Variants in VEPH1 observed in about 807,000 individuals in gnomAD.
The protein encoded by VEPH1 is ventricular zone-expressed PH domain-containing protein homolog 1.
VEPH1 carries 80 observed loss-of-function variants against 85.2 expected under a neutral mutation model. That is an observed-to-expected ratio of 0.94 (90% confidence interval 0.78 to 1.13). VEPH1 has a LOEUF of 1.13. VEPH1 is among the 50% of genes most tolerant of loss of function. The pLI, the probability that VEPH1 is intolerant of heterozygous loss-of-function variation, is 0.00. For missense variants in VEPH1, 955 were observed against 980.5 expected (o/e 0.97, Z 0.35); for synonymous variants, 297 against 348.0 (o/e 0.85, Z 1.63).
In VEPH1 at chr3:157,364,419, A is replaced by C; in HGVS notation, c.1221T>G (p.Val407=). The C allele has an allele frequency of 6.2e-7, 1 of 1,614,032 alleles. No homozygotes were observed. Among genetic ancestry groups the C allele is most frequent in the South Asian group, 1.1e-5 (1 of 91,068 alleles). The change falls in exon 8 of 14, where the codon GTT becomes GTG. Residue 407 remains valine, a synonymous_variant. Coordinates refer to ENST00000362010, the MANE Select transcript of VEPH1 (RefSeq NM_001167912.2). Reference sequence around the variant, plus strand: ...TCTTGTCTTCAAAAGCCTGGATTTTAACTTGGAGTTTTTCATGGTCTTCAT... The same window carrying C: ...TCTTGTCTTCAAAAGCCTGGATTTTCACTTGGAGTTTTTCATGGTCTTCAT... ...TENEDHEKLQ[V]KIQAFEDKIN... is the part of the protein sequence containing the mutation.
intron 4 of VEPH1, among the ~76,000 whole-genome samples, chr3:157,452,950 C>A (rs1233061176): frequency 6.6e-6 from 1 of 152,192 alleles, no homozygotes; most frequent in Non-Finnish European, 1.5e-5. Flanking sequence ...CTGCAGCCGA[C>A]TCCCATTCCC....
intron 2 of VEPH1, among the ~76,000 whole-genome samples, chr3:157,490,758 A>G (rs1452603812): frequency 2.0e-5 from 3 of 152,180 alleles, no homozygotes; most frequent in Non-Finnish European, 4.4e-5. Flanking sequence ...CTGTTGTTTC[A>G]CTTTTAATTG....
chr3:157,482,596 C>T (rs1411751473), intron 2 of VEPH1, among the ~76,000 whole-genome samples: 2 of 152,140 alleles, frequency 1.3e-5, no homozygotes, highest in Non-Finnish European at 2.9e-5. Context: ...TTTCATGATA[C>T]TGATTCTTCC....
At chr3:157,318,355 C>A (rs1364673330) in intron 9 of VEPH1, among the ~76,000 whole-genome samples, 2 of 152,014 alleles carry the variant, frequency 1.3e-5, no homozygotes, top group Admixed American at 6.6e-5. Context: ...TGCCTGTAAT[C>A]CCAGCTCTTT....
At chr3:157,334,581 C>G (rs1204480240) in intron 9 of VEPH1, among the ~76,000 whole-genome samples, 1 of 152,144 alleles carries the variant, frequency 6.6e-6, no homozygotes, top group African/African-American at 2.4e-5. Flanking sequence ...AACAAATACT[C>G]TGAGGACTTA....
chr3:157,498,526 G>A (rs1180009792), intron 1 of VEPH1, among the ~76,000 whole-genome samples: 1 of 152,162 alleles, frequency 6.6e-6, no homozygotes, highest in Admixed American at 6.5e-5. Context: ...CACCAGCAGA[G>A]GCACTTGAAG....
chr3:157,329,898 T>C (rs1392159713), intron 9 of VEPH1, among the ~76,000 whole-genome samples: 1 of 152,226 alleles, frequency 6.6e-6, no homozygotes, highest in African/African-American at 2.4e-5. Flanking sequence ...AACTTCGGGA[T>C]GAGAAGGCAA....
chr3:157,476,393 G>T (rs552776689), intron 2 of VEPH1, among the ~76,000 whole-genome samples: 58 of 152,318 alleles, frequency 3.8e-4, no homozygotes, highest in Non-Finnish European at 6.9e-4. Context: ...GGATCACAGA[G>T]CATTTGGTCT....
chr3:157,437,479 C>T, intron 4 of VEPH1: 1 of 1,581,190 alleles, frequency 6.3e-7, no homozygotes, highest in East Asian at 2.3e-5. Flanking sequence ...CAGGCCTGGG[C>T]GGGCTGCTAA....
At chr3:157,501,361 GT>G (rs1275269230) in intron 1 of VEPH1, among the ~76,000 whole-genome samples, 2 of 152,152 alleles carry the variant, frequency 1.3e-5, no homozygotes, top group Non-Finnish European at 2.9e-5. Flanking sequence ...AACAGTGAAT[GT>G]TTTTACAGAG....
chr3:157,477,458 A>G lies in VEPH1; in HGVS notation c.139-6929T>C, dbSNP rs373867697. Among the ~76,000 whole-genome samples, 9 of 152,190 alleles carry G rather than the reference A, an allele frequency of 5.9e-5. No individual in the cohort carries two copies. The South Asian group carries it at 1.9e-3, about 32-fold the overall frequency. On this transcript the variant is annotated intron_variant, in intron 2 of 13. Transcript: ENST00000362010. ...CTTGCCCATGTAAGATTACATTCAC[A>G]GGTTCTGGGGTTTAGGATGAGGACA...
intron 5 of VEPH1, among the ~76,000 whole-genome samples, chr3:157,420,054 C>G (rs1233550866): frequency 1.3e-5 from 2 of 151,954 alleles, no homozygotes; most frequent in Non-Finnish European, 2.9e-5. Flanking sequence ...CCATTATCCT[C>G]AGCAAACTAA....
intron 6 of VEPH1, among the ~76,000 whole-genome samples, chr3:157,401,732 A>ACTT (rs1730806133): frequency 2.8e-5 from 4 of 144,228 alleles, no homozygotes; most frequent in African/African-American, 2.5e-5. Context: ...TTTTTCCTTA[A>ACTT]TTTTTTTTTT....
chr3:157,313,943 T>C (rs1720423818), intron 10 of VEPH1, among the ~76,000 whole-genome samples, 188 bp from the exon 11 acceptor site: 1 of 152,110 alleles, frequency 6.6e-6, no homozygotes, highest in African/African-American at 2.4e-5. Context: ...GAGCCTGTAT[T>C]CCCAGCACTT....
chr3:157,358,649 A>C (rs950972206), intron 9 of VEPH1, among the ~76,000 whole-genome samples: 1 of 152,242 alleles, frequency 6.6e-6, no homozygotes, highest in East Asian at 1.9e-4. Flanking sequence ...GACTACATGC[A>C]CATTTTCAGT....
chr3:157,487,946 A>C (rs924586766), intron 2 of VEPH1, among the ~76,000 whole-genome samples: 41 of 152,170 alleles, frequency 2.7e-4, no homozygotes, highest in African/African-American at 9.9e-4. Context: ...TACACTGAAA[A>C]GTCAGAAAAT....
chr3:157,345,366 G>A lies in VEPH1; in HGVS notation c.1735+17998C>T, dbSNP rs577788482. Among the ~76,000 whole-genome samples the A allele has an allele frequency of 7.6e-4, 115 of 152,190 alleles. 1 individual carries two copies. The South Asian group carries it at 0.019, about 26-fold the overall frequency. ...ACCCCATCAAAATCAAAAAGTGGGC[G>A]AAGGATATGAACAGACACTTCTCAA... On this transcript the variant is annotated intron_variant, in intron 9 of 13. Coordinates refer to ENST00000362010, the MANE Select transcript of VEPH1 (RefSeq NM_001167912.2).
intron 6 of VEPH1, among the ~76,000 whole-genome samples, chr3:157,395,300 A>G (rs1184688810): frequency 6.6e-6 from 1 of 152,224 alleles, no homozygotes; most frequent in Non-Finnish European, 1.5e-5. Context: ...GAAGTGGTCC[A>G]ATGTAATCAA....
chr3:157,458,029 A>T (rs1361197827), intron 4 of VEPH1, among the ~76,000 whole-genome samples: 1 of 152,078 alleles, frequency 6.6e-6, no homozygotes, highest in African/African-American at 2.4e-5. Flanking sequence ...TTTATTACTG[A>T]TTCAATTTCA....
Sources: gnomAD v4.1 joint callset for allele counts (sites outside exome capture counted in the v4.1 genomes callset) on GRCh38, gnomAD v4.1.1 for gene constraint, MANE v1.5 for transcripts, NCBI Gene and HGNC (gene_info 2026-07-23, HGNC 2026-07-21) for gene names.